The following CATSPERE variants were observed in gnomAD, a reference collection of about 807,000 sequenced individuals.
The protein encoded by CATSPERE is catsper channel auxiliary subunit epsilon, also known as cation channel sperm-associated auxiliary subunit epsilon.
Under a neutral mutation model 114.1 loss-of-function variants are expected in CATSPERE, and 93 were observed. The ratio of observed to expected loss-of-function variants is 0.81; its 90% CI spans 0.69 to 0.97. The LOEUF (loss-of-function observed/expected upper bound fraction) is 0.97, where lower values mean the gene tolerates loss of function less well. Among genes scored for constraint, CATSPERE ranks in the 50% least tolerant of loss-of-function variants. The pLI is 0.00. For synonymous variants in CATSPERE, 341 were observed against 384.1 expected (o/e 0.89, Z 1.31); for missense variants, 1,058 against 1,131.6 (o/e 0.93, Z 0.93).
intron 2 of CATSPERE, among the ~76,000 whole-genome samples, chr1:244,475,133 CTCTT>C (rs1669104500): frequency 6.6e-6 from 1 of 151,864 alleles, no homozygotes; most frequent in Admixed American, 6.6e-5. Context: ...TCTATTTTTT[CTCTT>C]TCTTATATCC....
upstream of CATSPERE, among the ~76,000 whole-genome samples, chr1:244,453,593 C>T (rs567581146): frequency 1.3e-5 from 2 of 152,218 alleles, no homozygotes; most frequent in African/African-American, 4.8e-5. Context: ...CCTGCCCAAG[C>T]GGCCACCCAG....
chr1:244,635,417 T>C (rs1001742184), intron 20 of CATSPERE, 72 bp from the exon 21 acceptor site: 5 of 1,103,670 alleles, frequency 4.5e-6, no homozygotes, highest in African/African-American at 1.6e-5. Context: ...ATTGTTACCA[T>C]AGGGACATGG....
Position 244,593,429 on chromosome 1 carries a change from G to A in CATSPERE, c.2223+1G>A. 1 of 1,613,436 alleles carries A rather than the reference G, an allele frequency of 6.2e-7. No individual in the cohort carries two copies. Among genetic ancestry groups the A allele is most frequent in the Non-Finnish European group, 8.5e-7 (1 of 1,179,916 alleles). On this transcript the variant is annotated splice_donor_variant, in intron 16 of 21. Transcript: ENST00000366534. LOFTEE classifies it high-confidence loss of function. ...GAGGCATCAGCCATCGAAAAACTTG[G>A]TAAGAAAATGATAAAATTCTGTCAA...
intron 5 of CATSPERE, among the ~76,000 whole-genome samples, chr1:244,482,506 G>A (rs1365419197): frequency 2.0e-5 from 3 of 152,088 alleles, no homozygotes; most frequent in Non-Finnish European, 4.4e-5. Context: ...TGAGGCTGAG[G>A]TAGGAGGTTC....
chr1:244,518,473 AAAT>A, intron 7 of CATSPERE, 116 bp from the exon 8 acceptor site: 1 of 646,570 alleles, frequency 1.5e-6, no homozygotes, highest in East Asian at 3.0e-5. Context: ...AGCACATGGT[AAAT>A]TTACAAATGT....
chr1:244,598,329 A>G (rs1668715368), intron 17 of CATSPERE: 1 of 152,816 alleles, frequency 6.5e-6, no homozygotes, highest in African/African-American at 2.4e-5. Context: ...CCAGTCATAC[A>G]TGACCTGAAC....
At chr1:244,614,569 A>T (rs1671141360) in intron 19 of CATSPERE, among the ~76,000 whole-genome samples, 1 of 152,154 alleles carries the variant, frequency 6.6e-6, no homozygotes, top group African/African-American at 2.4e-5. Flanking sequence ...GCGGGAACAC[A>T]TGTGTTCTCT....
chr1:244,502,887 GGAGA>G (rs963731161), intron 7 of CATSPERE, among the ~76,000 whole-genome samples: 78 of 152,302 alleles, frequency 5.1e-4, no homozygotes, highest in African/African-American at 1.8e-3. Flanking sequence ...GCCTCACAGA[GGAGA>G]GAAAGGTTCC....
At chr1:244,623,265 A>G (rs1672644114) in intron 20 of CATSPERE, among the ~76,000 whole-genome samples, 1 of 151,980 alleles carries the variant, frequency 6.6e-6, no homozygotes, top group South Asian at 2.1e-4. Flanking sequence ...TTTAGTATAG[A>G]TGGGGTTTTG....
intron 2 of CATSPERE, among the ~76,000 whole-genome samples, chr1:244,471,506 CA>C (rs1668472132): frequency 6.6e-6 from 1 of 152,188 alleles, no homozygotes; most frequent in African/African-American, 2.4e-5. Flanking sequence ...TACCTCACCC[CA>C]AAAAGTTTCA....
At chr1:244,486,732 C>T (rs554376158) in intron 5 of CATSPERE, among the ~76,000 whole-genome samples, 3 of 125,186 alleles carry the variant, frequency 2.4e-5, no homozygotes, top group East Asian at 2.7e-4. Context: ...GTGGAGTACT[C>T]GTGGGCCAGG....
intron 8 of CATSPERE, among the ~76,000 whole-genome samples, chr1:244,543,484 G>A (rs145327050): frequency 2.4e-3 from 364 of 151,998 alleles, no homozygotes; most frequent in African/African-American, 8.3e-3. Context: ...AGCTAAGGTG[G>A]GGGAGGGTGT....
At chr1:244,622,799 T>A (rs958441379) in intron 20 of CATSPERE, among the ~76,000 whole-genome samples, 1 of 152,154 alleles carries the variant, frequency 6.6e-6, no homozygotes, top group Non-Finnish European at 1.5e-5. Flanking sequence ...ATTTACTTCA[T>A]CCAAAGAGAA....
Position 244,560,849 on chromosome 1 carries a change from C to T in CATSPERE, c.1211C>T (p.Ala404Val), listed in dbSNP as rs1662446880. The change falls in exon 10 of 22, where the codon GCT (alanine) becomes GTT (valine). Residue 404 changes from alanine (A) to valine (V), a missense_variant. Physicochemically the swap from Ala to Val is moderately conservative, Grantham distance 64 (BLOSUM62 0). Coordinates refer to ENST00000366534, the MANE Select transcript of CATSPERE (RefSeq NM_001130957.2). Reference sequence around the variant, plus strand: ...TATACAGGACACCCTCTGGAGATTGCTGTGTTTTTAAATTATTGCACTGTA... The same window carrying T: ...TATACAGGACACCCTCTGGAGATTGTTGTGTTTTTAAATTATTGCACTGTA... ...VEYTGHPLEIAVFLNYCTVCN... is the reference protein window; with the variant it reads ...VEYTGHPLEIVVFLNYCTVCN... The T allele has an allele frequency of 1.2e-6, 2 of 1,614,052 alleles. No individual in the cohort carries two copies. Among genetic ancestry groups the T allele is most frequent in the South Asian group, 2.2e-5 (2 of 91,076 alleles).
chr1:244,485,554 C>T (rs960388240), intron 5 of CATSPERE, among the ~76,000 whole-genome samples: 2 of 151,908 alleles, frequency 1.3e-5, no homozygotes, highest in East Asian at 3.9e-4. Context: ...ATGTATATCA[C>T]CTTTTAATTC....
At chr1:244,578,717 G>GTA (rs199992325) in intron 11 of CATSPERE, among the ~76,000 whole-genome samples, 5,969 of 141,602 alleles carry the variant, frequency 0.042, 191 homozygotes, top group Middle Eastern at 0.077. Flanking sequence ...ATATATACAG[G>GTA]TATATATATA....
intron 2 of CATSPERE, among the ~76,000 whole-genome samples, chr1:244,465,427 T>C (rs184072785): frequency 4.6e-5 from 7 of 152,348 alleles, no homozygotes; most frequent in Non-Finnish European, 1.0e-4. Flanking sequence ...CTTTAAAATA[T>C]AGGTCATAAA....
intron 8 of CATSPERE, among the ~76,000 whole-genome samples, chr1:244,529,170 T>A (rs1299705406): frequency 1.3e-5 from 2 of 152,204 alleles, no homozygotes; most frequent in Non-Finnish European, 2.9e-5. Context: ...TATATTGAAT[T>A]CCTTTCTTTT....
At chr1:244,596,883 T>A (rs1480193416) in intron 17 of CATSPERE, among the ~76,000 whole-genome samples, 1 of 151,384 alleles carries the variant, frequency 6.6e-6, no homozygotes, top group Non-Finnish European at 1.5e-5. Context: ...GACTCCAAGG[T>A]GACATTAGTT....
Sources: allele counts gnomAD v4.1 joint callset (sites outside exome capture counted in the v4.1 genomes callset), GRCh38; gene constraint gnomAD v4.1.1; transcripts MANE v1.5; gene names NCBI Gene and HGNC (gene_info 2026-07-23, HGNC 2026-07-21).